Variants in SCAF11 observed in about 807,000 individuals in gnomAD.
SCAF11 encodes the protein SR-related CTD associated factor 11.
SCAF11 carries 47 observed loss-of-function variants against 140.5 expected under a neutral mutation model. That is an observed-to-expected ratio of 0.33 (90% CI 0.26 to 0.43). SCAF11 has a LOEUF of 0.43. SCAF11 is among the 20% of genes least tolerant of loss of function. The pLI, the probability that SCAF11 is intolerant of heterozygous loss-of-function variation, is 1.00. For synonymous variants in SCAF11, 557 were observed against 579.4 expected (o/e 0.96, Z 0.55); for missense variants, 1,645 against 1,705.1 (o/e 0.96, Z 0.62).
At chr12:45,971,074 T>C (rs930065232) in intron 1 of SCAF11, among the ~76,000 whole-genome samples, 3 of 151,970 alleles carry the variant, frequency 2.0e-5, no homozygotes, top group Admixed American at 6.5e-5. Context: ...GAATTGAAAA[T>C]AGGACAAGTT....
chr12:45,942,223 AG>A (rs752716013), intron 6 of SCAF11, among the ~76,000 whole-genome samples: 42 of 152,364 alleles, frequency 2.8e-4, no homozygotes, highest in Non-Finnish European at 4.9e-4. Context: ...CTGACTGTGC[AG>A]GGGTACCCCT....
intron 12 of SCAF11, among the ~76,000 whole-genome samples, chr12:45,923,611 T>C (rs1380165827): frequency 6.6e-6 from 1 of 152,082 alleles, no homozygotes; most frequent in Non-Finnish European, 1.5e-5. Context: ...TCCCAAATAC[T>C]AAAATCCAAT....
intron 1 of SCAF11, among the ~76,000 whole-genome samples, chr12:45,970,895 G>A (rs555800439): frequency 5.3e-5 from 8 of 152,180 alleles, no homozygotes; most frequent in South Asian, 2.1e-4. Context: ...GTGTGGAAGC[G>A]AGTGCCAAAA....
intron 1 of SCAF11, among the ~76,000 whole-genome samples, chr12:45,990,029 G>C (rs1296022208): frequency 6.7e-6 from 1 of 150,212 alleles, no homozygotes; most frequent in Non-Finnish European, 1.5e-5. Context: ...CGCCAGCTAA[G>C]GCGGCGGGAG....
Position 45,926,516 on chromosome 12 carries a change from T to A in SCAF11, c.3185A>T (p.Asn1062Ile). The A allele has an allele frequency of 6.2e-7, 1 of 1,613,414 alleles. No individual in the cohort carries two copies. Among genetic ancestry groups the A allele is most frequent in the Non-Finnish European group, 8.5e-7 (1 of 1,179,882 alleles). ...NENSGNSWNKNFGSGWVSNRG... is the reference protein window; with the variant it reads ...NENSGNSWNKIFGSGWVSNRG... ...GTTAGATACCCAACCAGAACCAAAG[T>A]TTTTATTCCAAGAATTTCCTGAATT... The change falls in exon 11 of 15, where the codon AAC becomes ATC. Residue 1062 changes from asparagine (N) to isoleucine (I), a missense_variant. By Grantham distance (149) the Asn-to-Ile change is moderately radical. Around this residue, in one of 2 missense-constraint regions of SCAF11, gnomAD observed 1,582 missense variants for 1,609.2 expected, o/e 0.98. Coordinates refer to ENST00000369367, the MANE Select transcript of SCAF11 (RefSeq NM_004719.3).
At chr12:45,972,485 T>C (rs1946096171) in intron 1 of SCAF11, among the ~76,000 whole-genome samples, 1 of 149,594 alleles carries the variant, frequency 6.7e-6, no homozygotes, top group Non-Finnish European at 1.5e-5. Context: ...ATCAGGTGAC[T>C]GGGGCAGGAG....
At chr12:45,957,044 A>AGGATGG (rs1418680929) in intron 3 of SCAF11, among the ~76,000 whole-genome samples, 1 of 152,222 alleles carries the variant, frequency 6.6e-6, no homozygotes, top group Non-Finnish European at 1.5e-5. Context: ...ACTAAGGATG[A>AGGATGG]AGATGGAGAG....
At chr12:45,988,512 T>C (rs570739084) in intron 1 of SCAF11, among the ~76,000 whole-genome samples, 4 of 152,326 alleles carry the variant, frequency 2.6e-5, no homozygotes, top group South Asian at 2.1e-4. Context: ...CAAAGGACGA[T>C]AGAGAGCTAA....
upstream of SCAF11, among the ~76,000 whole-genome samples, chr12:45,990,948 T>G (rs749482153): frequency 1.3e-5 from 2 of 152,356 alleles, no homozygotes; most frequent in African/African-American, 4.8e-5. Context: ...CTGCCCTCCT[T>G]TGGCAGTTTT....
intron 12 of SCAF11, among the ~76,000 whole-genome samples, chr12:45,924,488 T>G (rs1470257498): frequency 2.0e-5 from 3 of 152,228 alleles, no homozygotes; most frequent in African/African-American, 7.2e-5. Flanking sequence ...CCTGTTCAGA[T>G]ATAAGTAACA....
intron 7 of SCAF11, 33 bp downstream of exon 7, chr12:45,934,414 C>T (rs1008859874): frequency 2.6e-6 from 4 of 1,535,736 alleles, no homozygotes; most frequent in Non-Finnish European, 2.7e-6. Flanking sequence ...GTGTTATCAT[C>T]TAAGAAAAAG....
At chr12:45,970,314 G>A (rs927672136) in intron 1 of SCAF11, among the ~76,000 whole-genome samples, 1 of 152,220 alleles carries the variant, frequency 6.6e-6, no homozygotes, top group African/African-American at 2.4e-5. Flanking sequence ...TTACAAGCAT[G>A]TGCCACTGTG....
At chr12:45,948,061 C>G (rs186690864) in intron 5 of SCAF11, among the ~76,000 whole-genome samples, 839 of 152,102 alleles carry the variant, frequency 5.5e-3, no homozygotes, top group Non-Finnish European at 8.5e-3. Flanking sequence ...CTGAAAAGAA[C>G]GAATTCTTTT....
In SCAF11 at chr12:45,922,858, T is replaced by A. The variant is rs895975093; in HGVS notation, c.4125+78A>T. On this transcript the variant is annotated intron_variant, in intron 13 of 14. Transcript: ENST00000369367. Reference sequence around the variant, plus strand: ...GCCAATAAGAAATTCCCTTCACCACTCATACAATAAAAAGCTGATATTTTT... The same window carrying A: ...GCCAATAAGAAATTCCCTTCACCACACATACAATAAAAAGCTGATATTTTT... 3 of 1,313,228 alleles carry A rather than the reference T, an allele frequency of 2.3e-6. No homozygotes were observed. In the African/African-American group the frequency reaches 4.4e-5, roughly 19 times the overall value. 81.3% of individuals were successfully genotyped at this position (1,313,228 alleles called of 1,614,324 possible). A position where few individuals can be genotyped will look rare whatever the true frequency, so the allele number is the denominator to read the frequency against.
chr12:45,979,054 AC>A (rs1221449620), intron 1 of SCAF11, among the ~76,000 whole-genome samples: 2 of 151,800 alleles, frequency 1.3e-5, no homozygotes, highest in East Asian at 3.9e-4. Context: ...GGCACCTGTT[AC>A]TGCATCTTCA....
chr12:45,928,161 T>A lies in SCAF11; in HGVS notation c.1540A>T (p.Asn514Tyr). Reference protein sequence around the residue: ...VLCLESEISENILEKGGDPLE... With the variant: ...VLCLESEISEYILEKGGDPLE... ...GGATCACCTCCTTTTTCAAGAATAT[T>A]TTCAGAAATCTCACTTTCCAAACAC... The change falls in exon 11 of 15, where the codon AAT becomes TAT. Residue 514 changes from asparagine (N) to tyrosine (Y), a missense_variant. Coordinates refer to ENST00000369367, the MANE Select transcript of SCAF11 (RefSeq NM_004719.3). 1 of 1,614,006 alleles carries A rather than the reference T, an allele frequency of 6.2e-7. No homozygotes were observed. The highest frequency in any genetic ancestry group is 1.6e-4 in the Middle Eastern group (1 of 6,062).
chr12:45,923,583 A>G (rs1042895147), intron 12 of SCAF11, among the ~76,000 whole-genome samples: 5 of 152,172 alleles, frequency 3.3e-5, no homozygotes, highest in African/African-American at 1.2e-4. Flanking sequence ...GTAAGTTGAC[A>G]GGAGAAAAAG....
intron 2 of SCAF11, 140 bp downstream of exon 2, chr12:45,963,967 T>C: frequency 1.8e-6 from 1 of 568,572 alleles, no homozygotes; most frequent in Non-Finnish European, 3.1e-6. Flanking sequence ...AAAAAATGTG[T>C]ATACTTAGGC....
rs114269562 is a variant in SCAF11, at chr12:45,990,037, G to A, written c.-22+316C>T. ...CAGGCTTCGCCAGCTAAGGCGGCGGGAGACGCGTAGGCCACAAGGAGGAAA... is the reference window on the plus strand; with the variant it reads ...CAGGCTTCGCCAGCTAAGGCGGCGGAAGACGCGTAGGCCACAAGGAGGAAA... On this transcript the variant is annotated intron_variant, in intron 1 of 14. Coordinates refer to ENST00000369367, the MANE Select transcript of SCAF11 (RefSeq NM_004719.3). Among the ~76,000 whole-genome samples, 401 of 151,988 alleles carry A rather than the reference G, an allele frequency of 2.6e-3. 3 individuals carry two copies. The highest frequency in any genetic ancestry group is 9.1e-3 in the African/African-American group (376 of 41,460).
Sources: gnomAD v4.1 joint callset for allele counts (sites outside exome capture counted in the v4.1 genomes callset) on GRCh38, gnomAD v4.1.1 for gene constraint, gnomAD v4.1.1 regional missense constraint, MANE v1.5 for transcripts, NCBI Gene and HGNC (gene_info 2026-07-23, HGNC 2026-07-21) for gene names.